Variants in SPATA17 observed in about 807,000 individuals in gnomAD.
SPATA17 encodes spermatogenesis associated 17.
In SPATA17, 53 loss-of-function variants were observed where a neutral mutation model predicts 62.2. The observed-to-expected ratio is 0.85, with a 90% CI of 0.68 to 1.07. The LOEUF is 1.07. Ranked by LOEUF, SPATA17 falls within the 50% of genes least tolerant of loss-of-function variation. SPATA17 has a pLI of 0.00. For missense variants in SPATA17, 466 were observed against 425.5 expected (o/e 1.10, Z -0.84); for synonymous variants, 146 against 146.8 (o/e 0.99, Z 0.04).
At chr1:217,770,135 A>G (rs1673403076) in intron 6 of SPATA17, among the ~76,000 whole-genome samples, 2 of 152,204 alleles carry the variant, frequency 1.3e-5, no homozygotes, top group African/African-American at 2.4e-5. Context: ...ACTCTTCCCT[A>G]CTGGCTTAGT....
chr1:217,661,181 G>A (rs560149889), intron 3 of SPATA17, among the ~76,000 whole-genome samples: 1 of 152,050 alleles, frequency 6.6e-6, no homozygotes, highest in Non-Finnish European at 1.5e-5. Context: ...GTACAGAATG[G>A]TGTCTAAGAA....
chr1:217,799,287 G>T (rs951108915), intron 8 of SPATA17, among the ~76,000 whole-genome samples: 9 of 152,152 alleles, frequency 5.9e-5, no homozygotes, highest in Admixed American at 3.9e-4. Context: ...CAGTCTTCCA[G>T]CCTTGTCGTC....
chr1:217,719,008 A>G (rs1285348138), intron 5 of SPATA17, among the ~76,000 whole-genome samples: 2 of 152,218 alleles, frequency 1.3e-5, no homozygotes, highest in African/African-American at 2.4e-5. Flanking sequence ...GAAGCCTGCA[A>G]TATCATTGAA....
chr1:217,719,664 C>T (rs1440578222), intron 5 of SPATA17, among the ~76,000 whole-genome samples: 1 of 152,080 alleles, frequency 6.6e-6, no homozygotes, highest in East Asian at 1.9e-4. Context: ...TTAAGTAATA[C>T]AAGATGAATA....
intron 8 of SPATA17, among the ~76,000 whole-genome samples, chr1:217,797,535 C>T (rs1010642155): frequency 5.3e-5 from 8 of 152,058 alleles, no homozygotes; most frequent in Non-Finnish European, 8.8e-5. Context: ...CAGGCATTAG[C>T]CACAGCACCC....
Position 217,794,704 on chromosome 1 carries a change from T to C in SPATA17, c.873-7014T>C, listed in dbSNP as rs572267355. 4.6e-5 allele frequency among the ~76,000 whole-genome samples: 7 copies of C among 152,332 alleles called. No homozygotes were observed. In the South Asian group the frequency reaches 6.2e-4, roughly 14 times the overall value. ...ACAATTGATTAAAACTTGGACTCTT[T>C]GGTTTACATCTGACTCGTTTATGTT... is the stretch of plus-strand genomic sequence containing the variant. On this transcript the variant is annotated intron_variant, in intron 8 of 10. Coordinates refer to ENST00000366933, the MANE Select transcript of SPATA17 (RefSeq NM_138796.4).
intron 1 of SPATA17, among the ~76,000 whole-genome samples, chr1:217,632,483 G>A (rs1427245232): frequency 6.6e-6 from 1 of 152,262 alleles, no homozygotes; most frequent in East Asian, 1.9e-4. Flanking sequence ...GTCTTGCTGA[G>A]CTGCTTTTAT....
intron 9 of SPATA17, among the ~76,000 whole-genome samples, chr1:217,805,295 C>A (rs1218292885): frequency 6.6e-6 from 1 of 152,078 alleles, no homozygotes; most frequent in Non-Finnish European, 1.5e-5. Context: ...ACAAATACTG[C>A]ATGGTCTCAT....
At chr1:217,848,792 C>A (rs2103010311) in intron 9 of SPATA17, among the ~76,000 whole-genome samples, 1 of 152,036 alleles carries the variant, frequency 6.6e-6, no homozygotes, top group South Asian at 2.1e-4. Flanking sequence ...TTTCTCAGAT[C>A]TTTTTTACTG....
intron 8 of SPATA17, among the ~76,000 whole-genome samples, chr1:217,787,564 A>G (rs1673900092): frequency 6.6e-6 from 1 of 152,174 alleles, no homozygotes; most frequent in Non-Finnish European, 1.5e-5. Context: ...AAAAATAAAG[A>G]AGAATTTTTG....
intron 1 of SPATA17, among the ~76,000 whole-genome samples, chr1:217,633,159 C>T (rs1365206493): frequency 2.0e-5 from 3 of 151,944 alleles, no homozygotes; most frequent in Non-Finnish European, 2.9e-5. Context: ...GATCGCAATA[C>T]TGCACTCCAG....
At chr1:217,778,525 A>G (rs775096625) in intron 7 of SPATA17, among the ~76,000 whole-genome samples, 1 of 152,126 alleles carries the variant, frequency 6.6e-6, no homozygotes, top group Non-Finnish European at 1.5e-5. Context: ...CATCCCAAAA[A>G]ATAATAATAA....
intron 6 of SPATA17, among the ~76,000 whole-genome samples, chr1:217,758,565 T>C (rs1276685745): frequency 1.3e-5 from 2 of 152,198 alleles, no homozygotes; most frequent in Non-Finnish European, 2.9e-5. Context: ...TTTGTTAATC[T>C]GCCTCCAGAA....
chr1:217,805,745 T>C (rs1558058376), intron 9 of SPATA17, among the ~76,000 whole-genome samples: 1 of 152,190 alleles, frequency 6.6e-6, no homozygotes, highest in Non-Finnish European at 1.5e-5. Context: ...CAATGGCATA[T>C]AACCTCACAC....
chr1:217,650,467 A>C lies in SPATA17; in HGVS notation c.159-630A>C, dbSNP rs142949649. Among the ~76,000 whole-genome samples, 1,059 of 151,764 alleles carry C rather than the reference A, an allele frequency of 7.0e-3. 11 individuals are homozygous for C. Among genetic ancestry groups the C allele is most frequent in the African/African-American group, 0.024 (1,006 of 41,374 alleles). ...AGTCTTGCTCTGTCACCCAGGTTGG[A>C]GTGCAGTGGCGCGATCTCGGCTCAC... On this transcript the variant is annotated intron_variant, in intron 2 of 10. Coordinates refer to ENST00000366933, the MANE Select transcript of SPATA17 (RefSeq NM_138796.4).
rs185799736 is a variant in SPATA17 at position 217,849,466 on chromosome 1, T to A, written c.1006-13308T>A. On this transcript the variant is annotated intron_variant, in intron 9 of 10. Coordinates refer to ENST00000366933, the MANE Select transcript of SPATA17 (RefSeq NM_138796.4). ...GTCCTTTCCTAAAAAAACAAACTTA[T>A]ACAATTTAGTTCACAAAACTTTGTT... Among the ~76,000 whole-genome samples the A allele has an allele frequency of 2.0e-4, 30 of 152,262 alleles. No individual in the cohort carries two copies. In the East Asian group the frequency reaches 5.6e-3, roughly 28 times the overall value.
At chr1:217,694,592 G>T (rs1209280072) in intron 5 of SPATA17, among the ~76,000 whole-genome samples, 2 of 147,156 alleles carry the variant, frequency 1.4e-5, no homozygotes, top group African/African-American at 5.0e-5. Context: ...TAGTCTTGAT[G>T]GTCTTTACAT....
chr1:217,807,821 G>T (rs952655452), intron 9 of SPATA17, among the ~76,000 whole-genome samples: 1 of 152,122 alleles, frequency 6.6e-6, no homozygotes, highest in East Asian at 1.9e-4. Context: ...AGATGAAAAG[G>T]GAAGGTTCTT....
At chr1:217,676,966 A>G (rs1670961021) in intron 4 of SPATA17, among the ~76,000 whole-genome samples, 2 of 151,990 alleles carry the variant, frequency 1.3e-5, no homozygotes, top group African/African-American at 4.8e-5. Context: ...AATCACCTAT[A>G]CTCGCTTAGT....
Sources: gnomAD v4.1 joint callset for allele counts (sites outside exome capture counted in the v4.1 genomes callset) on GRCh38, gnomAD v4.1.1 for gene constraint, MANE v1.5 for transcripts, NCBI Gene and HGNC (gene_info 2026-07-23, HGNC 2026-07-21) for gene names.